Variants in METTL9 observed in about 807,000 individuals in gnomAD.
The protein encoded by METTL9 is methyltransferase 9, His-X-His N1(pi)-histidine.
A neutral mutation model predicts 36.0 loss-of-function variants in METTL9; 10 were observed. That is an observed-to-expected ratio of 0.28 (90% CI 0.17 to 0.47). The LOEUF (loss-of-function observed/expected upper bound fraction) is 0.47, where lower values mean the gene tolerates loss of function less well. Among genes scored for constraint, METTL9 ranks in the 20% least tolerant of loss-of-function variants. The pLI is 0.99. For synonymous variants in METTL9, 175 were observed against 149.7 expected (o/e 1.17, Z -1.23); for missense variants, 246 against 383.5 (o/e 0.64, Z 3.00).
intron 4 of METTL9, among the ~76,000 whole-genome samples, chr16:21,637,817 C>T (rs1036035161): frequency 3.3e-5 from 5 of 152,250 alleles, no homozygotes; most frequent in African/African-American, 4.8e-5. Flanking sequence ...CACAGCACAG[C>T]GGCGGGCTGA....
intron 4 of METTL9, chr16:21,626,828 G>A (rs778131636): frequency 1.7e-5 from 9 of 541,952 alleles, no homozygotes; most frequent in African/African-American, 8.2e-5. Context: ...TTGGGCAACC[G>A]CATGATAGAA....
intron 4 of METTL9, among the ~76,000 whole-genome samples, chr16:21,638,682 C>T (rs141264812): frequency 8.5e-5 from 13 of 152,176 alleles, no homozygotes; most frequent in African/African-American, 1.2e-4. Context: ...GAATTAGAGA[C>T]GAATAGATCT....
At chr16:21,620,544 T>A (rs186608541) in intron 3 of METTL9, among the ~76,000 whole-genome samples, 4 of 152,316 alleles carry the variant, frequency 2.6e-5, no homozygotes, top group East Asian at 3.9e-4. Flanking sequence ...GCTAAGTGCC[T>A]AAATGGAATT....
At chr16:21,599,551 G>A (rs1162887369), upstream of METTL9, 1 of 1,282,064 alleles carries the variant, frequency 7.8e-7, no homozygotes, top group Non-Finnish European at 9.8e-7. This position sits in a 1 kb window ranked among gnomAD's most constrained non-coding sequence, Gnocchi z 4.4. Flanking sequence ...GAAGGGGGAG[G>A]TGCCGAGGCT....
At chr16:21,603,228 C>T (rs1965184790) in intron 1 of METTL9, among the ~76,000 whole-genome samples, 1 of 151,982 alleles carries the variant, frequency 6.6e-6, no homozygotes, top group South Asian at 2.1e-4. Flanking sequence ...CATCCTCGAC[C>T]TCCTGGGTTC....
chr16:21,630,528 A>G (rs576706752), intron 4 of METTL9, among the ~76,000 whole-genome samples: 15 of 152,130 alleles, frequency 9.9e-5, no homozygotes, highest in African/African-American at 3.6e-4. Flanking sequence ...TAAACAGGAT[A>G]CCCCCAACTG....
intron 4 of METTL9, among the ~76,000 whole-genome samples, chr16:21,631,176 G>T (rs1965951659): frequency 6.6e-6 from 1 of 152,120 alleles, no homozygotes; most frequent in South Asian, 2.1e-4. Flanking sequence ...GGCTATTCCG[G>T]TTCCTGTAGC....
chr16:21,642,995 G>T, intron 4 of METTL9: 1 of 895,240 alleles, frequency 1.1e-6, no homozygotes, highest in South Asian at 1.4e-5. Flanking sequence ...CATGGTTCTT[G>T]ACAGCTCCTT....
chr16:21,627,067 G>A (rs574968399), intron 4 of METTL9: 1 of 985,390 alleles, frequency 1.0e-6, no homozygotes, highest in East Asian at 1.1e-4. Flanking sequence ...CTGCAGACCT[G>A]AGACAAGAAG....
intron 3 of METTL9, among the ~76,000 whole-genome samples, chr16:21,618,497 C>T (rs1190478991): frequency 3.3e-5 from 5 of 152,232 alleles, no homozygotes; most frequent in African/African-American, 4.8e-5. Flanking sequence ...TCTTCCGAAA[C>T]GGAAACTCTG....
At chr16:21,609,507 G>A (rs1028358369) in intron 1 of METTL9, among the ~76,000 whole-genome samples, 1 of 152,070 alleles carries the variant, frequency 6.6e-6, no homozygotes, top group African/African-American at 2.4e-5. Context: ...CTAGCCTTTC[G>A]TAGGTATATT....
intron 4 of METTL9, among the ~76,000 whole-genome samples, chr16:21,626,007 C>T (rs3785082): frequency 0.077 from 11,691 of 152,176 alleles, 748 homozygotes; most frequent in East Asian, 0.29. Flanking sequence ...AGGCATTCTC[C>T]GGCCTCAGCC....
At position 21,605,136 on chromosome 16, in the gene METTL9, A is replaced by G. The variant is rs543878439; in HGVS notation, c.165+5238A>G. Among the ~76,000 whole-genome samples the G allele has an allele frequency of 4.6e-5, 7 of 151,854 alleles. No homozygotes were observed. The South Asian group carries it at 1.3e-3, about 27-fold the overall frequency. ...TTGCTCACCAGCACAGAGTTAATGG[A>G]TGATAGAGTTGGGCTTTGCACCCAG... On this transcript the variant is annotated intron_variant, in intron 1 of 4. Transcript: ENST00000358154.
intron 4 of METTL9, among the ~76,000 whole-genome samples, chr16:21,649,333 AGATGAGCTGG>A (rs1966510421): frequency 6.6e-6 from 1 of 152,254 alleles, no homozygotes; most frequent in South Asian, 2.1e-4. Flanking sequence ...GTGCAACATG[AGATGAGCTGG>A]GAGCTCTGTG....
rs1477802858 is a variant in METTL9 at position 21,622,923 on chromosome 16, T to C, written c.567-2008T>C. Among the ~76,000 whole-genome samples the C allele has an allele frequency of 1.3e-5, 2 of 152,248 alleles. 1 individual carries two copies. Among genetic ancestry groups the C allele is most frequent in the Non-Finnish European group, 2.9e-5 (2 of 68,040 alleles). The stretch of plus-strand genomic sequence containing the variant: ...TGTTGTTTTGTTTTTAAAAATCAAA[T>C]ATATAATTTGTGTTTTACAATTTGT... On this transcript the variant is annotated intron_variant, in intron 3 of 4. Coordinates refer to ENST00000358154, the MANE Select transcript of METTL9 (RefSeq NM_016025.5).
chr16:21,634,024 C>T (rs1966025897), intron 4 of METTL9, among the ~76,000 whole-genome samples: 1 of 152,142 alleles, frequency 6.6e-6, no homozygotes, highest in Admixed American at 6.5e-5. Context: ...CTAATATACC[C>T]CTCCCTAATA....
Position 21,655,276 on chromosome 16 carries a change from G to A in METTL9, c.801G>A (p.Gln267=). The change falls in exon 5 of 5, where the codon CAG becomes CAA. Residue 267 remains glutamine, a synonymous_variant. Coordinates refer to ENST00000358154, the MANE Select transcript of METTL9 (RefSeq NM_016025.5). ...CAGAAATTTTGGAAATCAAAGGACA[G>A]AACTGGGAAGAACAAGTGAATAGTC... is the stretch of plus-strand genomic sequence containing the variant. ...KPSEILEIKG[Q]NWEEQVNSLP... is the part of the protein sequence containing the mutation. The A allele has an allele frequency of 6.2e-7, 1 of 1,614,204 alleles. No homozygotes were observed. Among genetic ancestry groups the A allele is most frequent in the East Asian group, 2.2e-5 (1 of 44,886 alleles).
At chr16:21,626,133 A>G (rs1041679504) in intron 4 of METTL9, among the ~76,000 whole-genome samples, 1 of 152,032 alleles carries the variant, frequency 6.6e-6, no homozygotes, top group African/African-American at 2.4e-5. Context: ...CTAACTCCTG[A>G]TCTCAGGTGA....
At chr16:21,629,077 A>G (rs1965881360) in intron 4 of METTL9, among the ~76,000 whole-genome samples, 1 of 151,930 alleles carries the variant, frequency 6.6e-6, no homozygotes, top group South Asian at 2.1e-4. Context: ...TATTTTTAGT[A>G]GAGACAGGGT....
Sources: gnomAD v4.1 joint callset for allele counts (sites outside exome capture counted in the v4.1 genomes callset) on GRCh38, gnomAD v4.1.1 for gene constraint, Gnocchi (gnomAD v3.1) non-coding constraint, MANE v1.5 for transcripts, NCBI Gene and HGNC (gene_info 2026-07-23, HGNC 2026-07-21) for gene names.